SLC2A2: variants seen among roughly 807,000 people sequenced by gnomAD.
SLC2A2 encodes solute carrier family 2, facilitated glucose transporter member 2.
SLC2A2 carries 36 observed loss-of-function variants against 54.5 expected under a neutral mutation model. That is an observed-to-expected ratio of 0.66 (90% confidence interval 0.51 to 0.87). The LOEUF is 0.87. SLC2A2 is among the 40% of genes least tolerant of loss of function. The pLI is 0.00. For missense variants in SLC2A2, 543 were observed against 624.3 expected, an observed-to-expected ratio of 0.87 and a Z score of 1.39; for synonymous variants, 223 against 219.1, an observed-to-expected ratio of 1.02 and a Z score of -0.16.
Position 170,996,541 on chromosome 3 carries a change from A to C in SLC2A2, c.*1362T>G. 2.5e-6 allele frequency: 1 copy of C among 397,644 alleles called. No individual in the cohort carries two copies. The highest frequency in any genetic ancestry group is 4.4e-6 in the Non-Finnish European group (1 of 225,328). The allele number at this position is 397,644 out of a possible 1,614,324, so 24.6% of individuals were successfully genotyped here. A position where few individuals can be genotyped will look rare whatever the true frequency, so the allele number is the denominator to read the frequency against. The stretch of plus-strand genomic sequence containing the variant: ...CAGTGCTCCAGTTGGTGGAGAAAAC[A>C]GCCTAGAGATACGTTAGCACCCTGC... On this transcript the variant is annotated 3_prime_UTR_variant, in exon 11 of 11. Coordinates refer to ENST00000314251, the MANE Select transcript of SLC2A2 (RefSeq NM_000340.2).
At chr3:171,022,317 A>T (rs1389142178) in intron 1 of SLC2A2, among the ~76,000 whole-genome samples, 1 of 152,238 alleles carries the variant, frequency 6.6e-6, no homozygotes, top group East Asian at 1.9e-4. Context: ...CATAATCTTT[A>T]TAAATTAAAA....
chr3:171,014,353 GA>G, intron 3 of SLC2A2, 115 bp downstream of exon 3: 2 of 1,207,096 alleles, frequency 1.7e-6, no homozygotes, highest in Non-Finnish European at 2.4e-6. Context: ...GTCATGAGTT[GA>G]AAAAACAACT....
rs139231189 is a variant in SLC2A2 at position 171,014,624 on chromosome 3, G to A, written c.216C>T (p.Tyr72=). ...AAGGGGTTGGTTTTGGGTTCATTGA[G>A]TATGAGATTGTGGGCAGTTCATCTG... The part of the protein sequence containing the change: ...NSTDELPTIS[Y]SMNPKPTPWA... The change falls in exon 3 of 11, where the codon TAC becomes TAT. Residue 72 remains tyrosine, a synonymous_variant. Coordinates refer to ENST00000314251, the MANE Select transcript of SLC2A2 (RefSeq NM_000340.2). 201 of 1,614,116 alleles carry A rather than the reference G, an allele frequency of 1.2e-4. No homozygotes were observed. The highest frequency in any genetic ancestry group is 1.8e-5 in the Non-Finnish European group (21 of 1,179,998).
rs5406 is a variant in SLC2A2, at chr3:171,005,487, G to A, written c.776-15C>T. The A allele has an allele frequency of 0.14, 224,437 of 1,605,918 alleles. 19,290 individuals carry two copies. The highest frequency in any genetic ancestry group is 0.41 in the African/African-American group (30,581 of 74,654). Reference sequence around the variant, plus strand: ...TCTTTTCAAGCCTGTCCAAGAAAATGATCAGGTTGAAACAACTCAGGCCAA... The same window carrying A: ...TCTTTTCAAGCCTGTCCAAGAAAATAATCAGGTTGAAACAACTCAGGCCAA... On this transcript the variant is annotated splice_polypyrimidine_tract_variant and intron_variant, in intron 6 of 10. Transcript: ENST00000314251.
rs571174946 is a variant in SLC2A2 at position 171,014,681 on chromosome 3, T to C, written c.159A>G (p.Arg53=). The C allele has an allele frequency of 6.2e-7, 1 of 1,614,078 alleles. No homozygotes were observed. The highest frequency in any genetic ancestry group is 1.1e-5 in the South Asian group (1 of 91,088). ...RHVLGVPLDD[R]KAINNYVINS... Reference sequence around the variant, plus strand: ...TGATAACATAGTTGTTGATAGCTTTTCGGTCATCCAGTGGAACACCCAAAA... The same window carrying C: ...TGATAACATAGTTGTTGATAGCTTTCCGGTCATCCAGTGGAACACCCAAAA... The change falls in exon 3 of 11, where the codon CGA becomes CGG. Residue 53 remains arginine (R), a synonymous_variant. Transcript: ENST00000314251.
At chr3:171,017,362 T>C (rs1021877750) in intron 2 of SLC2A2, among the ~76,000 whole-genome samples, 2 of 152,208 alleles carry the variant, frequency 1.3e-5, no homozygotes, top group Non-Finnish European at 2.9e-5. Flanking sequence ...TCTCTCAGCC[T>C]GCCACACTCC....
At chr3:171,016,199 C>A (rs1716143526) in intron 2 of SLC2A2, among the ~76,000 whole-genome samples, 1 of 152,176 alleles carries the variant, frequency 6.6e-6, no homozygotes, top group South Asian at 2.1e-4. Flanking sequence ...CTTTGGGAGG[C>A]CAAGGTGGGC....
At chr3:171,009,811 A>C in intron 4 of SLC2A2, 147 bp downstream of exon 4, 1 of 1,164,588 alleles carries the variant, frequency 8.6e-7, no homozygotes, top group Non-Finnish European at 1.2e-6. Context: ...CAGGATTTCA[A>C]CTTTATGCTA....
intron 3 of SLC2A2, among the ~76,000 whole-genome samples, chr3:171,012,868 G>C (rs529381038): frequency 5.3e-5 from 8 of 152,200 alleles, no homozygotes; most frequent in South Asian, 2.1e-4. Flanking sequence ...CATTTGATAC[G>C]TGGTCATTTG....
chr3:171,003,382 T>C (rs1715429407), intron 7 of SLC2A2, among the ~76,000 whole-genome samples: 1 of 145,150 alleles, frequency 6.9e-6, no homozygotes, highest in African/African-American at 2.5e-5. Flanking sequence ...TTCATTAGGC[T>C]ATCAGAAATC....
chr3:171,004,317 A>G (rs991227551), intron 7 of SLC2A2, among the ~76,000 whole-genome samples: 2 of 152,188 alleles, frequency 1.3e-5, no homozygotes, highest in African/African-American at 2.4e-5. Flanking sequence ...GATGGGAGAT[A>G]TGAGTTTGGT....
intron 5 of SLC2A2, among the ~76,000 whole-genome samples, chr3:171,006,923 A>T (rs1179202794): frequency 6.6e-6 from 1 of 152,018 alleles, no homozygotes; most frequent in Admixed American, 6.6e-5. Context: ...GAGGAGTGAT[A>T]ATAATTTACC....
intron 3 of SLC2A2, 93 bp from the exon 4 acceptor site, chr3:171,010,175 A>T: frequency 1.5e-6 from 2 of 1,302,790 alleles, no homozygotes; most frequent in Non-Finnish European, 2.2e-6. Context: ...TTTTAACCTA[A>T]GAGCAATTAT....
chr3:170,996,534 A>C lies in SLC2A2; in HGVS notation c.*1369T>G, dbSNP rs1715085449. 3 of 397,456 alleles carry C rather than the reference A, an allele frequency of 7.5e-6. No homozygotes were observed. The highest frequency in any genetic ancestry group is 8.9e-6 in the Non-Finnish European group (2 of 225,296). The allele number at this position is 397,456 out of a possible 1,614,324, so 24.6% of individuals were successfully genotyped here. On this transcript the variant is annotated 3_prime_UTR_variant, in exon 11 of 11. Coordinates refer to ENST00000314251, the MANE Select transcript of SLC2A2 (RefSeq NM_000340.2). The stretch of plus-strand genomic sequence containing the variant: ...GATTGATCAGTGCTCCAGTTGGTGG[A>C]GAAAACAGCCTAGAGATACGTTAGC...
chr3:171,004,948 A>G (rs1384441430), intron 7 of SLC2A2, among the ~76,000 whole-genome samples: 1 of 151,976 alleles, frequency 6.6e-6, no homozygotes, highest in Non-Finnish European at 1.5e-5. Context: ...CCTAAATTCA[A>G]TACTCAACTG....
At chr3:171,015,294 C>A (rs1321135379) in intron 2 of SLC2A2, among the ~76,000 whole-genome samples, 1 of 151,932 alleles carries the variant, frequency 6.6e-6, no homozygotes, top group Non-Finnish European at 1.5e-5. Flanking sequence ...CATGGTGAAA[C>A]CCTGTCTCTA....
intron 5 of SLC2A2, 122 bp downstream of exon 5, chr3:171,007,026 A>T (rs559755901): frequency 1.4e-6 from 1 of 716,476 alleles, no homozygotes; most frequent in South Asian, 1.5e-5. Context: ...GAGAATGGAC[A>T]GTCAGGGAGG....
chr3:171,011,571 A>G (rs990480231), intron 3 of SLC2A2, among the ~76,000 whole-genome samples: 7 of 152,186 alleles, frequency 4.6e-5, no homozygotes, highest in African/African-American at 7.2e-5. Flanking sequence ...ATAAGAAAAC[A>G]TATTTGTGTT....
intron 1 of SLC2A2, among the ~76,000 whole-genome samples, chr3:171,020,027 T>C (rs1025261034): frequency 6.6e-6 from 1 of 152,210 alleles, no homozygotes; most frequent in African/African-American, 2.4e-5. Flanking sequence ...AGGAACTTTG[T>C]TGTGTAAATG....
Sources: allele counts gnomAD v4.1 joint callset (sites outside exome capture counted in the v4.1 genomes callset), GRCh38; gene constraint gnomAD v4.1.1; transcripts MANE v1.5; gene names NCBI Gene and HGNC (gene_info 2026-07-23, HGNC 2026-07-21).